The following PARD3B variants were observed in gnomAD, a reference collection of about 807,000 sequenced individuals.
PARD3B encodes par-3 family cell polarity regulator beta.
Under a neutral mutation model 130.2 loss-of-function variants are expected in PARD3B, and 103 were observed. That is an observed-to-expected ratio of 0.79 (90% CI 0.67 to 0.93). The LOEUF (loss-of-function observed/expected upper bound fraction) is 0.93, where lower values mean the gene tolerates loss of function less well. Ranked by LOEUF, PARD3B falls within the 40% of genes least tolerant of loss-of-function variation. PARD3B has a pLI of 0.00. For missense variants in PARD3B, 1,609 were observed against 1,499.2 expected (o/e 1.07, Z -1.21); for synonymous variants, 583 against 553.2 (o/e 1.05, Z -0.76).
intron 15 of PARD3B, among the ~76,000 whole-genome samples, chr2:205,245,547 T>G (rs1425046589): frequency 6.6e-6 from 1 of 152,070 alleles, no homozygotes; most frequent in African/African-American, 2.4e-5. Context: ...TATGAGAAAA[T>G]GAAGTTATGT....
intron 22 of PARD3B, among the ~76,000 whole-genome samples, chr2:205,604,173 C>G (rs1368520150): frequency 2.0e-5 from 3 of 152,154 alleles, no homozygotes; most frequent in Non-Finnish European, 4.4e-5. Context: ...TGAATATTGG[C>G]CCCCAGTCTC....
chr2:204,992,557 G>A (rs1202899963), intron 3 of PARD3B, among the ~76,000 whole-genome samples: 1 of 145,130 alleles, frequency 6.9e-6, no homozygotes, highest in Non-Finnish European at 1.5e-5. Context: ...CCTTGGCGAT[G>A]CGGGCTCTTT....
intron 20 of PARD3B, among the ~76,000 whole-genome samples, chr2:205,485,870 A>C (rs1288964384): frequency 6.6e-6 from 1 of 152,050 alleles, no homozygotes; most frequent in African/African-American, 2.4e-5. Context: ...TGACCTCCCC[A>C]AGCCAAGTTA....
At chr2:204,685,725 CCA>C (rs2037043275) in intron 1 of PARD3B, among the ~76,000 whole-genome samples, 1 of 152,048 alleles carries the variant, frequency 6.6e-6, no homozygotes, top group African/African-American at 2.4e-5. Context: ...GCTACCCATT[CCA>C]TTTATATATT....
At chr2:204,634,809 C>T (rs146737126) in intron 1 of PARD3B, among the ~76,000 whole-genome samples, 28 of 152,212 alleles carry the variant, frequency 1.8e-4, no homozygotes, top group South Asian at 4.1e-4. Context: ...AGATGATCAT[C>T]GCTTAGGTCT....
intron 22 of PARD3B, among the ~76,000 whole-genome samples, chr2:205,610,918 T>C (rs1861442): frequency 0.7 from 107,054 of 152,048 alleles, 38,505 homozygotes; most frequent in East Asian, 1. Flanking sequence ...AGTTACTGTA[T>C]GTGTGTGGGT....
chr2:204,605,968 G>C (rs532671399), intron 1 of PARD3B, among the ~76,000 whole-genome samples: 2 of 152,096 alleles, frequency 1.3e-5, no homozygotes, highest in African/African-American at 4.8e-5. Flanking sequence ...CCTGTTTTCT[G>C]TCTTTCCCTT....
intron 11 of PARD3B, among the ~76,000 whole-genome samples, chr2:205,166,923 C>T (rs2034853154): frequency 6.6e-6 from 1 of 152,168 alleles, no homozygotes; most frequent in Admixed American, 6.5e-5. Flanking sequence ...AACATCTGGT[C>T]ATGATTAATC....
At chr2:204,674,153 T>C (rs941996080) in intron 1 of PARD3B, among the ~76,000 whole-genome samples, 4 of 152,186 alleles carry the variant, frequency 2.6e-5, no homozygotes, top group African/African-American at 4.8e-5. Flanking sequence ...TTCTGAATCA[T>C]GGTGCTTATG....
Position 205,168,320 on chromosome 2 carries a change from A to AGAGAGAGAGTGT in PARD3B, c.1621-3890_1621-3889insAGAGAGAGTGTG, listed in dbSNP as rs371904121. ...GAGAGAGAGAGAGAGAGAGAGAGAG[A>AGAGAGAGAGTGT]GTGTGTGTGTGTGAATATTGCAAGC... On this transcript the variant is annotated intron_variant, in intron 11 of 22. Coordinates refer to ENST00000406610, the MANE Select transcript of PARD3B (RefSeq NM_001302769.2). Among the ~76,000 whole-genome samples, 418 of 119,738 alleles carry AGAGAGAGAGTGT rather than the reference A, an allele frequency of 3.5e-3. 1 individual carries two copies. Among genetic ancestry groups the AGAGAGAGAGTGT allele is most frequent in the South Asian group, 5.5e-3 (20 of 3,660 alleles). The allele number at this position is 119,738 out of a possible 152,430, so 78.6% of individuals were successfully genotyped here. A position where few individuals can be genotyped will look rare whatever the true frequency, so the allele number is the denominator to read the frequency against.
chr2:204,985,930 T>A (rs2125225074), intron 3 of PARD3B, among the ~76,000 whole-genome samples: 1 of 151,676 alleles, frequency 6.6e-6, no homozygotes, highest in South Asian at 2.1e-4. Context: ...TGAAACCCCG[T>A]CTCTACTAAA....
At chr2:204,687,622 T>C (rs1340029547) in intron 2 of PARD3B, among the ~76,000 whole-genome samples, 1 of 152,194 alleles carries the variant, frequency 6.6e-6, no homozygotes, top group Non-Finnish European at 1.5e-5. Flanking sequence ...CCTGTTTATT[T>C]AGTTGGTCTC....
intron 1 of PARD3B, among the ~76,000 whole-genome samples, chr2:204,682,733 G>A (rs1274226029): frequency 1.3e-5 from 2 of 152,138 alleles, no homozygotes; most frequent in Non-Finnish European, 2.9e-5. Context: ...TTGGACTACA[G>A]GCATCTTGCT....
Position 204,879,808 on chromosome 2 carries a change from C to T in PARD3B, c.223-85344C>T, listed in dbSNP as rs186654353. Among the ~76,000 whole-genome samples the T allele has an allele frequency of 6.6e-5, 10 of 152,308 alleles. No individual in the cohort carries two copies. The East Asian group carries it at 1.5e-3, about 24-fold the overall frequency. ...TTTGGCTAGCCAAATTGTGTACTTA[C>T]ATCTGACAGCTTAATTCTGAAATTA... On this transcript the variant is annotated intron_variant, in intron 2 of 22. Transcript: ENST00000406610.
chr2:205,183,258 A>G lies in PARD3B; in HGVS notation c.1925-2506A>G, dbSNP rs1046611319. Among the ~76,000 whole-genome samples, 5 of 152,156 alleles carry G rather than the reference A, an allele frequency of 3.3e-5. No individual in the cohort carries two copies. Among genetic ancestry groups the G allele is most frequent in the Admixed American group, 6.5e-5 (1 of 15,286 alleles). ...ATGGGAGATAAAGTTGTTTGCCAGG[A>G]TCATAGACCTTTATTCCGTAGGCAA... is the stretch of plus-strand genomic sequence containing the variant. On this transcript the variant is annotated intron_variant, in intron 13 of 22. Coordinates refer to ENST00000406610, the MANE Select transcript of PARD3B (RefSeq NM_001302769.2). This position sits in a 1 kb window ranked among gnomAD's most constrained non-coding sequence, Gnocchi z 5.2.
At chr2:205,113,465 T>C (rs958747547) in intron 5 of PARD3B, 26 bp from the exon 6 acceptor site, 1 of 1,564,366 alleles carries the variant, frequency 6.4e-7, no homozygotes, top group African/African-American at 1.4e-5. Context: ...GACACTCATT[T>C]GTGCTCTTGT....
chr2:205,175,060 A>G (rs183063730), intron 12 of PARD3B, among the ~76,000 whole-genome samples: 16 of 152,242 alleles, frequency 1.1e-4, no homozygotes, highest in Non-Finnish European at 1.3e-4. Context: ...TTAAAAATCC[A>G]TTATATTTTT....
chr2:205,370,117 G>A, intron 18 of PARD3B, among the ~76,000 whole-genome samples: 1 of 152,098 alleles, frequency 6.6e-6, no homozygotes, highest in East Asian at 1.9e-4. Flanking sequence ...GGGAGAAAAA[G>A]GCAGGAGTCA....
chr2:204,714,840 C>T (rs1448290114), intron 2 of PARD3B, among the ~76,000 whole-genome samples: 1 of 152,146 alleles, frequency 6.6e-6, no homozygotes, highest in Non-Finnish European at 1.5e-5. Flanking sequence ...ATTCACTATT[C>T]ACTTTCCAAT....
Sources: allele counts gnomAD v4.1 joint callset (sites outside exome capture counted in the v4.1 genomes callset), GRCh38; gene constraint gnomAD v4.1.1; non-coding constraint Gnocchi (gnomAD v3.1); transcripts MANE v1.5; gene names NCBI Gene and HGNC (gene_info 2026-07-23, HGNC 2026-07-21).